The following FSTL5 variants were observed in gnomAD, a reference collection of about 807,000 sequenced individuals.
FSTL5 encodes the protein follistatin like 5, also known as follistatin-related protein 5.
Under a neutral mutation model 89.1 loss-of-function variants are expected in FSTL5, and 62 were observed. The observed-to-expected ratio is 0.70, with a 90% CI of 0.57 to 0.86. The LOEUF is 0.86. Ranked by LOEUF, FSTL5 falls within the 40% of genes least tolerant of loss-of-function variation. The probability of loss-of-function intolerance (pLI) is 0.00; values close to 1 mark genes in which losing one functional copy is unlikely to be tolerated. For synonymous variants in FSTL5, 383 were observed against 346.2 expected (o/e 1.11, Z -1.18); for missense variants, 1,057 against 1,001.6 (o/e 1.06, Z -0.75).
chr4:162,017,462 T>C (rs996263860), intron 3 of FSTL5, among the ~76,000 whole-genome samples: 1 of 152,170 alleles, frequency 6.6e-6, no homozygotes, highest in Non-Finnish European at 1.5e-5. Context: ...GAGATGACCA[T>C]ATAAGGTGGC....
chr4:162,145,765 T>A (rs982363501), intron 1 of FSTL5, among the ~76,000 whole-genome samples: 3 of 152,168 alleles, frequency 2.0e-5, no homozygotes, highest in African/African-American at 7.2e-5. Flanking sequence ...GTTTAGAGAA[T>A]CAAAAACATT....
At chr4:161,467,579 G>A (rs1408083184) in intron 13 of FSTL5, among the ~76,000 whole-genome samples, 4 of 151,890 alleles carry the variant, frequency 2.6e-5, no homozygotes, top group Non-Finnish European at 4.4e-5. Context: ...TTTTAAATTC[G>A]GGAAAAACCT....
chr4:161,978,980 C>G (rs1735740354), intron 3 of FSTL5, among the ~76,000 whole-genome samples: 1 of 152,032 alleles, frequency 6.6e-6, no homozygotes, highest in African/African-American at 2.4e-5. Flanking sequence ...TGTCTTTGAA[C>G]CAGATACCTC....
intron 2 of FSTL5, among the ~76,000 whole-genome samples, chr4:162,099,373 T>C (rs909828937): frequency 2.6e-5 from 4 of 152,156 alleles, no homozygotes; most frequent in Non-Finnish European, 4.4e-5. Flanking sequence ...TTATTCATAG[T>C]TTGTATTGTT....
chr4:162,135,861 C>G (rs1286333665), intron 1 of FSTL5, among the ~76,000 whole-genome samples: 1 of 151,952 alleles, frequency 6.6e-6, no homozygotes, highest in Non-Finnish European at 1.5e-5. Context: ...TTTACTACTT[C>G]TCGGAAGGAT....
At chr4:161,985,080 C>T (rs548305632) in intron 3 of FSTL5, among the ~76,000 whole-genome samples, 17 of 151,890 alleles carry the variant, frequency 1.1e-4, no homozygotes, top group East Asian at 7.8e-4. Context: ...CTTCAGCCTC[C>T]GGAGTAGTTG....
intron 6 of FSTL5, among the ~76,000 whole-genome samples, chr4:161,693,226 G>A (rs553014701): frequency 7.2e-5 from 11 of 152,210 alleles, no homozygotes; most frequent in East Asian, 3.9e-4. Flanking sequence ...AAAGATTTCC[G>A]TGCGTACATT....
chr4:161,511,771 T>G (rs1730662133), intron 10 of FSTL5, among the ~76,000 whole-genome samples: 1 of 151,916 alleles, frequency 6.6e-6, no homozygotes, highest in African/African-American at 2.4e-5. Flanking sequence ...TACAAACATG[T>G]AATAAATGAA....
chr4:161,745,379 T>C lies in FSTL5; in HGVS notation c.727+14032A>G, dbSNP rs150713840. ...CTATATACAAAAATGTGCTACTTTC[T>C]TAGAAATAAATACCAGAAACACAGT... On this transcript the variant is annotated intron_variant, in intron 6 of 15. Transcript: ENST00000306100. Among the ~76,000 whole-genome samples, 875 of 152,204 alleles carry C rather than the reference T, an allele frequency of 5.7e-3. 9 individuals are homozygous for C. Among genetic ancestry groups the C allele is most frequent in the South Asian group, 0.031 (151 of 4,828 alleles).
intron 15 of FSTL5, among the ~76,000 whole-genome samples, chr4:161,415,508 A>C (rs554642446): frequency 6.6e-6 from 1 of 151,520 alleles, no homozygotes; most frequent in East Asian, 1.9e-4. Flanking sequence ...ACCCGCATCA[A>C]CCTCCCAAAG....
intron 3 of FSTL5, among the ~76,000 whole-genome samples, chr4:162,024,759 C>T (rs1737216864): frequency 6.6e-6 from 1 of 151,964 alleles, no homozygotes; most frequent in Non-Finnish European, 1.5e-5. Flanking sequence ...CTCAAGTGGT[C>T]CTCCAACCTC....
intron 2 of FSTL5, among the ~76,000 whole-genome samples, chr4:162,066,358 TCTTCTTCTTCTTC>T (rs1738911045): frequency 7.3e-6 from 1 of 136,144 alleles, no homozygotes; most frequent in Admixed American, 8.1e-5. Context: ...TTCTTCTCCT[TCTTCTTCTTCTTC>T]TCCTTCTTCT....
Position 161,899,565 on chromosome 4 carries a change from A to G in FSTL5, c.409+20839T>C, listed in dbSNP as rs549314514. Among the ~76,000 whole-genome samples the G allele has an allele frequency of 2.0e-5, 3 of 152,332 alleles. No homozygotes were observed. The South Asian group carries it at 6.2e-4, about 32-fold the overall frequency. ...GCTGCTCTATTCCTATTTATTCAAC[A>G]GTATATTGAGCTAGTGCTTATTTAC... is the stretch of plus-strand genomic sequence containing the variant. On this transcript the variant is annotated intron_variant, in intron 4 of 15. Coordinates refer to ENST00000306100, the MANE Select transcript of FSTL5 (RefSeq NM_020116.5).
At chr4:161,895,252 C>T (rs1733118784) in intron 4 of FSTL5, among the ~76,000 whole-genome samples, 1 of 152,172 alleles carries the variant, frequency 6.6e-6, no homozygotes, top group Non-Finnish European at 1.5e-5. Flanking sequence ...ATGAGAAATG[C>T]TCTTTCTACT....
chr4:161,560,815 A>G (rs1732569060), intron 8 of FSTL5, among the ~76,000 whole-genome samples: 1 of 151,836 alleles, frequency 6.6e-6, no homozygotes, highest in Non-Finnish European at 1.5e-5. Context: ...TAGAATACCT[A>G]CTGAACTACC....
intron 7 of FSTL5, among the ~76,000 whole-genome samples, chr4:161,639,559 C>T (rs1298659909): frequency 1.3e-5 from 2 of 152,074 alleles, no homozygotes; most frequent in African/African-American, 4.8e-5. Flanking sequence ...GTACAAAGCA[C>T]CAGGAACCTG....
At position 161,419,618 on chromosome 4, in the gene FSTL5, T is replaced by C. The variant is rs181664921; in HGVS notation, c.1842-33169A>G. 3.0e-3 allele frequency among the ~76,000 whole-genome samples: 454 copies of C among 152,296 alleles called. 3 individuals are homozygous for C. The highest frequency in any genetic ancestry group is 0.011 in the African/African-American group (446 of 41,572). ...TCTCCACAACCAGTAATGACACTTTTCTAATGAAAATTAGATTCTATCACA... is the reference window on the plus strand; with the variant it reads ...TCTCCACAACCAGTAATGACACTTTCCTAATGAAAATTAGATTCTATCACA... On this transcript the variant is annotated intron_variant, in intron 15 of 15. Coordinates refer to ENST00000306100, the MANE Select transcript of FSTL5 (RefSeq NM_020116.5).
chr4:161,820,380 T>C (rs1392010026), intron 4 of FSTL5, among the ~76,000 whole-genome samples: 2 of 152,172 alleles, frequency 1.3e-5, no homozygotes, highest in Non-Finnish European at 2.9e-5. Context: ...TAAGGATTAA[T>C]TCCAATAGAG....
chr4:161,437,569 A>AAACAAAAC (rs1553986234), intron 15 of FSTL5, among the ~76,000 whole-genome samples: 1 of 104,046 alleles, frequency 9.6e-6, no homozygotes, highest in African/African-American at 2.9e-5. Context: ...CCGTCTCAAA[A>AAACAAAAC]AAAAAAAAAA....
Sources: allele counts gnomAD v4.1 joint callset (sites outside exome capture counted in the v4.1 genomes callset), GRCh38; gene constraint gnomAD v4.1.1; transcripts MANE v1.5; gene names NCBI Gene and HGNC (gene_info 2026-07-23, HGNC 2026-07-21).